The following OSBPL6 variants were observed in gnomAD, a reference collection of about 807,000 sequenced individuals.
The protein encoded by OSBPL6 is oxysterol-binding protein-related protein 6.
Under a neutral mutation model 125.8 loss-of-function variants are expected in OSBPL6, and 49 were observed. The observed-to-expected ratio is 0.39, with a 90% CI of 0.31 to 0.49. The LOEUF (loss-of-function observed/expected upper bound fraction) is 0.49. OSBPL6 is among the 20% of genes least tolerant of loss of function. The probability of loss-of-function intolerance (pLI) is 0.88; values close to 1 mark genes in which losing one functional copy is unlikely to be tolerated. For missense variants in OSBPL6, 986 were observed against 1,135.4 expected (o/e 0.87, Z 1.89); for synonymous variants, 394 against 391.8 (o/e 1.01, Z -0.07).
chr2:178,213,686 A>G (rs79488846), intron 1 of OSBPL6, among the ~76,000 whole-genome samples: 5,229 of 152,350 alleles, frequency 0.034, 259 homozygotes, highest in African/African-American at 0.12. Flanking sequence ...CAGTTATTTG[A>G]CAAATTTGAC....
intron 1 of OSBPL6, among the ~76,000 whole-genome samples, chr2:178,274,029 G>A (rs894796131): frequency 2.0e-5 from 3 of 152,094 alleles, no homozygotes; most frequent in Admixed American, 6.6e-5. Flanking sequence ...CATTGGGCAC[G>A]TGGTAAGCAA....
At chr2:178,381,300 G>T (rs774812014) in intron 15 of OSBPL6, among the ~76,000 whole-genome samples, 37 of 152,128 alleles carry the variant, frequency 2.4e-4, no homozygotes, top group Admixed American at 3.9e-4. Flanking sequence ...TCATGCAGGG[G>T]GTGGCTTCAC....
intron 1 of OSBPL6, among the ~76,000 whole-genome samples, chr2:178,274,148 A>G (rs1244552787): frequency 6.6e-6 from 1 of 152,144 alleles, no homozygotes; most frequent in Non-Finnish European, 1.5e-5. Context: ...TTCTGAGCTG[A>G]TGCTTTTAGT....
chr2:178,398,344 G>A lies in OSBPL6; in HGVS notation c.*2785G>A, dbSNP rs776286098. The A allele has an allele frequency of 6.6e-6, 1 of 152,074 alleles. No homozygotes were observed. The highest frequency in any genetic ancestry group is 1.5e-5 in the Non-Finnish European group (1 of 68,018). The allele number at this position is 152,074 out of a possible 1,614,324, so 9.4% of individuals were successfully genotyped here. ...AATATGCCTGTATACTTCTCCCATGGTTTATTCATAAGCTGCTTCATCTCA... is the reference window on the plus strand; with the variant it reads ...AATATGCCTGTATACTTCTCCCATGATTTATTCATAAGCTGCTTCATCTCA... On this transcript the variant is annotated 3_prime_UTR_variant, in exon 25 of 25. Transcript: ENST00000190611.
chr2:178,256,790 C>G lies in OSBPL6; in HGVS notation c.-350-28137C>G, dbSNP rs1018564269. 2.6e-5 allele frequency among the ~76,000 whole-genome samples: 4 copies of G among 152,274 alleles called. No individual in the cohort carries two copies. In the East Asian group the frequency reaches 5.8e-4, roughly 22 times the overall value. ...ACCAGAATATGCTTATTTAAAACAG[C>G]ATTCTGGCATGCCTAACTCACTTTG... is the stretch of plus-strand genomic sequence containing the variant. On this transcript the variant is annotated intron_variant, in intron 1 of 24. Transcript: ENST00000190611.
intron 1 of OSBPL6, among the ~76,000 whole-genome samples, chr2:178,233,861 A>G (rs2090939191): frequency 6.6e-6 from 1 of 152,198 alleles, no homozygotes; most frequent in South Asian, 2.1e-4. Context: ...TAATTCTTCT[A>G]TAAGCACTAG....
chr2:178,202,941 G>A (rs915490791), intron 1 of OSBPL6, among the ~76,000 whole-genome samples: 28 of 151,988 alleles, frequency 1.8e-4, no homozygotes, highest in African/African-American at 6.8e-4. Flanking sequence ...GATTCATTAA[G>A]CATCTTTAAT....
At chr2:178,374,400 G>A (rs1041772157) in intron 15 of OSBPL6, among the ~76,000 whole-genome samples, 8 of 152,190 alleles carry the variant, frequency 5.3e-5, no homozygotes, top group Non-Finnish European at 8.8e-5. Flanking sequence ...CCGTTCATGC[G>A]CATACACAGA....
Position 178,248,386 on chromosome 2 carries a change from A to G in OSBPL6, c.-350-36541A>G, listed in dbSNP as rs1574622864. ...TGGTATATGAATATTTACAAACTTA[A>G]AAGTTTGTATGGCTTTATCTTTTCA... On this transcript the variant is annotated intron_variant, in intron 1 of 24. Transcript: ENST00000190611. 3.9e-5 allele frequency among the ~76,000 whole-genome samples: 6 copies of G among 152,364 alleles called. No homozygotes were observed. The South Asian group carries it at 1.2e-3, about 32-fold the overall frequency.
At chr2:178,214,337 C>G (rs1404292418) in intron 1 of OSBPL6, among the ~76,000 whole-genome samples, 1 of 152,216 alleles carries the variant, frequency 6.6e-6, no homozygotes, top group African/African-American at 2.4e-5. Context: ...CCTCTTTCCC[C>G]TTTCATTCTG....
intron 1 of OSBPL6, among the ~76,000 whole-genome samples, chr2:178,247,016 A>ACCCCCC (rs1491121004): frequency 2.3e-5 from 1 of 43,186 alleles, no homozygotes. Flanking sequence ...GCCCCTCCCC[A>ACCCCCC]CCCCCCCATG....
chr2:178,314,048 C>T (rs1687526432), intron 3 of OSBPL6, among the ~76,000 whole-genome samples: 2 of 152,242 alleles, frequency 1.3e-5, no homozygotes, highest in Non-Finnish European at 1.5e-5. Flanking sequence ...GATCCCCCAG[C>T]ATATACGTGA....
chr2:178,349,409 G>A lies in OSBPL6; in HGVS notation c.1153+20G>A, dbSNP rs779367084. On this transcript the variant is annotated intron_variant, in intron 12 of 24. Coordinates refer to ENST00000190611, the MANE Select transcript of OSBPL6 (RefSeq NM_032523.4). ...AGAAAGGTAAGAACAAAAATAATGCGCCCTTTAAAGAAGCTCTCTTCTTTG... is the reference window on the plus strand; with the variant it reads ...AGAAAGGTAAGAACAAAAATAATGCACCCTTTAAAGAAGCTCTCTTCTTTG... 1.5e-5 allele frequency: 24 copies of A among 1,608,078 alleles called. No homozygotes were observed. The highest frequency in any genetic ancestry group is 6.7e-5 in the Admixed American group (4 of 59,830).
intron 1 of OSBPL6, among the ~76,000 whole-genome samples, chr2:178,207,120 T>A (rs957083367): frequency 6.6e-6 from 1 of 152,156 alleles, no homozygotes; most frequent in Non-Finnish European, 1.5e-5. Flanking sequence ...TGGTCTTGTG[T>A]GGGTGCACCT....
At chr2:178,394,457 G>A in intron 24 of OSBPL6, 22 bp downstream of exon 24, 1 of 1,588,972 alleles carries the variant, frequency 6.3e-7, no homozygotes, top group Non-Finnish European at 8.5e-7. Flanking sequence ...AACTCCCATA[G>A]CAAGTTCATG....
rs186181129 is a variant in OSBPL6 at position 178,202,681 on chromosome 2, G to A, written c.-351+8007G>A. ...TACTAAAAATACAAAAATTGGCCGG[G>A]CGTGGTGGTGGGCACCTGTAACCTC... On this transcript the variant is annotated intron_variant, in intron 1 of 24. Transcript: ENST00000190611. Among the ~76,000 whole-genome samples the A allele has an allele frequency of 5.6e-3, 850 of 152,130 alleles. 8 individuals are homozygous for A. The highest frequency in any genetic ancestry group is 0.019 in the African/African-American group (808 of 41,500).
intron 1 of OSBPL6, among the ~76,000 whole-genome samples, chr2:178,248,586 G>T (rs1036837392): frequency 6.6e-6 from 1 of 152,160 alleles, no homozygotes; most frequent in African/African-American, 2.4e-5. Context: ...AAGGACTAGG[G>T]AATATTGTTC....
In OSBPL6 at chr2:178,239,147, A is replaced by G. The variant is rs549440313; in HGVS notation, c.-351+44473A>G. Among the ~76,000 whole-genome samples the G allele has an allele frequency of 4.6e-5, 7 of 152,328 alleles. No individual in the cohort carries two copies. The South Asian group carries it at 8.3e-4, about 18-fold the overall frequency. On this transcript the variant is annotated intron_variant, in intron 1 of 24. Coordinates refer to ENST00000190611, the MANE Select transcript of OSBPL6 (RefSeq NM_032523.4). ...AGTTCCCCAAACATTTTTTGGCTGT[A>G]TACTACATCAGTAAAAAGGTTTTGA...
In OSBPL6 at chr2:178,306,258, CAACA is replaced by C. The variant is rs1194020876; in HGVS notation, c.75_78del (p.Thr26ProfsTer25). The C allele has an allele frequency of 6.2e-7, 1 of 1,613,318 alleles. No individual in the cohort carries two copies. The highest frequency in any genetic ancestry group is 1.7e-5 in the Admixed American group (1 of 60,026). ...CCAACCCATAGAAGTGCCTCCTCTT[CAACA>C]TCCTCCCAAAGGGACAGTAGGCAGG... On this transcript the variant is annotated frameshift_variant, in exon 3 of 25. Coordinates refer to ENST00000190611, the MANE Select transcript of OSBPL6 (RefSeq NM_032523.4). LOFTEE classifies it high-confidence loss of function.
Sources: gnomAD v4.1 joint callset for allele counts (sites outside exome capture counted in the v4.1 genomes callset) on GRCh38, gnomAD v4.1.1 for gene constraint, MANE v1.5 for transcripts, NCBI Gene and HGNC (gene_info 2026-07-23, HGNC 2026-07-21) for gene names.